The following EXOC4 variants were observed in gnomAD, a reference collection of about 807,000 sequenced individuals.
The protein encoded by EXOC4 is exocyst complex component 4, also known as SEC8-like 1.
A neutral mutation model predicts 107.2 loss-of-function variants in EXOC4; 71 were observed. The ratio of observed to expected loss-of-function variants is 0.66; its 90% CI spans 0.55 to 0.81. The LOEUF is 0.81. Among genes scored for constraint, EXOC4 ranks in the 30% least tolerant of loss-of-function variants. EXOC4 has a pLI of 0.00. For synonymous variants in EXOC4, 456 were observed against 441.2 expected (o/e 1.03, Z -0.42); for missense variants, 1,108 against 1,189.6 (o/e 0.93, Z 1.01).
intron 10 of EXOC4, among the ~76,000 whole-genome samples, chr7:133,723,076 A>G (rs960397146): frequency 6.6e-6 from 1 of 152,222 alleles, no homozygotes. Flanking sequence ...CTGCTTTGGA[A>G]TTCATATGTT....
chr7:133,334,173 T>C (rs1197278919), intron 5 of EXOC4, among the ~76,000 whole-genome samples: 1 of 152,212 alleles, frequency 6.6e-6, no homozygotes, highest in Non-Finnish European at 1.5e-5. Context: ...TATCATGTTG[T>C]AAGCATCTGA....
At chr7:133,934,532 A>C (rs1800253921) in intron 13 of EXOC4, among the ~76,000 whole-genome samples, 1 of 152,212 alleles carries the variant, frequency 6.6e-6, no homozygotes, top group Admixed American at 6.5e-5. Context: ...CGCTGGCAGC[A>C]CACGGCAGAC....
intron 10 of EXOC4, among the ~76,000 whole-genome samples, chr7:133,684,322 T>C (rs147068355): frequency 9.2e-5 from 14 of 152,314 alleles, no homozygotes; most frequent in African/African-American, 3.4e-4. Flanking sequence ...TGTAAAAGAT[T>C]CAAAATTGAT....
chr7:133,338,657 T>TATTTGATTA (rs1299912076), intron 5 of EXOC4, among the ~76,000 whole-genome samples: 1 of 149,588 alleles, frequency 6.7e-6, no homozygotes, highest in Non-Finnish European at 1.5e-5. Flanking sequence ...GAACAGGTGG[T>TATTTGATTA]ATTTGATTAC....
chr7:133,494,572 T>TATGTAAAA (rs1799437102), intron 9 of EXOC4, among the ~76,000 whole-genome samples: 1 of 152,230 alleles, frequency 6.6e-6, no homozygotes, highest in African/African-American at 2.4e-5. Flanking sequence ...ATGTCATGAA[T>TATGTAAAA]CATTTTTTAA....
At chr7:133,269,991 T>G (rs1315794880) in intron 1 of EXOC4, among the ~76,000 whole-genome samples, 1 of 152,182 alleles carries the variant, frequency 6.6e-6, no homozygotes, top group Non-Finnish European at 1.5e-5. Context: ...ATCTTGAATT[T>G]TAACTCCCAC....
At chr7:133,707,318 G>C (rs547524337) in intron 10 of EXOC4, among the ~76,000 whole-genome samples, 28 of 152,170 alleles carry the variant, frequency 1.8e-4, no homozygotes, top group Admixed American at 1.0e-3. Flanking sequence ...AGGAGGTGGA[G>C]GTTGCAGTGA....
At chr7:133,861,802 G>A (rs1798539279) in intron 11 of EXOC4, among the ~76,000 whole-genome samples, 1 of 152,166 alleles carries the variant, frequency 6.6e-6, no homozygotes, top group African/African-American at 2.4e-5. Context: ...CCAGAATGCT[G>A]GGATTATAGG....
chr7:133,415,598 C>T (rs890153512), intron 7 of EXOC4, among the ~76,000 whole-genome samples: 2 of 152,044 alleles, frequency 1.3e-5, no homozygotes, highest in East Asian at 1.9e-4. Flanking sequence ...TATTGTTTCT[C>T]GATACACACA....
Position 134,051,774 on chromosome 7 carries a change from A to G in EXOC4, c.2688-12517A>G, listed in dbSNP as rs1795797169. Among the ~76,000 whole-genome samples the G allele has an allele frequency of 2.6e-5, 4 of 152,190 alleles. No individual in the cohort carries two copies. The South Asian group carries it at 8.3e-4, about 32-fold the overall frequency. Reference sequence around the variant, plus strand: ...GCCAAGGCGGGTGGATCACGAGGTCAGGAGATCGAGACCATCCTGGCTAAC... The same window carrying G: ...GCCAAGGCGGGTGGATCACGAGGTCGGGAGATCGAGACCATCCTGGCTAAC... On this transcript the variant is annotated intron_variant, in intron 17 of 17. Transcript: ENST00000253861.
At chr7:133,583,110 T>C (rs1176867357) in intron 9 of EXOC4, among the ~76,000 whole-genome samples, 1 of 152,232 alleles carries the variant, frequency 6.6e-6, no homozygotes, top group South Asian at 2.1e-4. Context: ...AATATTTTTC[T>C]TTTAGAGTGT....
intron 10 of EXOC4, among the ~76,000 whole-genome samples, chr7:133,702,990 T>G (rs1794698065): frequency 6.6e-6 from 1 of 152,234 alleles, no homozygotes; most frequent in South Asian, 2.1e-4. Context: ...ATGAAATAAC[T>G]GAAGCCTCAT....
rs11330928 is a variant in EXOC4 at position 133,544,831 on chromosome 7, CTT to C, written c.1417+64707_1417+64708del. On this transcript the variant is annotated intron_variant, in intron 9 of 17. Transcript: ENST00000253861. Reference sequence around the variant, plus strand: ...GTCTTCCACTTGTAGGTTTCCTTCCCTTTTTTTTTTTTTTTCCCCTGGTCACT... The same window carrying C: ...GTCTTCCACTTGTAGGTTTCCTTCCCTTTTTTTTTTTTTCCCCTGGTCACT... 5.1e-3 allele frequency among the ~76,000 whole-genome samples: 715 copies of C among 141,532 alleles called. 17 individuals carry two copies. In the East Asian group the frequency reaches 0.065, roughly 13 times the overall value. 92.9% of individuals were successfully genotyped at this position (141,532 alleles called of 152,430 possible).
chr7:133,865,730 G>A (rs7795430), intron 11 of EXOC4, among the ~76,000 whole-genome samples: 2,350 of 152,300 alleles, frequency 0.015, 61 homozygotes, highest in African/African-American at 0.053. Context: ...GAGAGAGAGA[G>A]CAAAGAGGGA....
At chr7:134,061,526 G>T (rs893691969) in intron 17 of EXOC4, among the ~76,000 whole-genome samples, 1 of 152,068 alleles carries the variant, frequency 6.6e-6, no homozygotes, top group Non-Finnish European at 1.5e-5. Flanking sequence ...TAATTCTTAG[G>T]TACCCTAAAG....
intron 7 of EXOC4, among the ~76,000 whole-genome samples, chr7:133,407,717 A>C (rs1584892771): frequency 6.6e-6 from 1 of 152,218 alleles, no homozygotes; most frequent in Non-Finnish European, 1.5e-5. Context: ...TACCAATATT[A>C]CCAACCTATG....
chr7:133,466,677 A>T (rs529300996), intron 7 of EXOC4, among the ~76,000 whole-genome samples: 7 of 152,216 alleles, frequency 4.6e-5, no homozygotes, highest in African/African-American at 1.7e-4. Context: ...AATGCATCCT[A>T]CTAGGCCAGT....
intron 12 of EXOC4, among the ~76,000 whole-genome samples, chr7:133,908,520 C>T (rs1227304065): frequency 6.6e-6 from 1 of 152,232 alleles, no homozygotes; most frequent in Non-Finnish European, 1.5e-5. Context: ...GACTGCAGAA[C>T]AGCGGGTCTG....
intron 10 of EXOC4, among the ~76,000 whole-genome samples, chr7:133,631,068 T>C (rs1472837998): frequency 6.6e-6 from 1 of 152,170 alleles, no homozygotes; most frequent in East Asian, 1.9e-4. Context: ...TAATGTTATG[T>C]ATTTTTTTAC....
Sources: gnomAD v4.1 joint callset for allele counts (sites outside exome capture counted in the v4.1 genomes callset) on GRCh38, gnomAD v4.1.1 for gene constraint, MANE v1.5 for transcripts, NCBI Gene and HGNC (gene_info 2026-07-23, HGNC 2026-07-21) for gene names.